MAP7: variants seen among roughly 807,000 people sequenced by gnomAD.
MAP7 encodes ensconsin.
A neutral mutation model predicts 94.8 loss-of-function variants in MAP7; 52 were observed. The observed-to-expected ratio is 0.55, with a 90% CI of 0.44 to 0.69. The LOEUF (loss-of-function observed/expected upper bound fraction) is 0.69. MAP7 is among the 30% of genes least tolerant of loss of function. The pLI is 0.00. For synonymous variants in MAP7, 350 were observed against 357.0 expected (o/e 0.98, Z 0.22); for missense variants, 940 against 964.6 (o/e 0.97, Z 0.34).
At chr6:136,346,517 G>C (rs1371485197) in intron 16 of MAP7, among the ~76,000 whole-genome samples, 1 of 152,172 alleles carries the variant, frequency 6.6e-6, no homozygotes, top group Non-Finnish European at 1.5e-5. Flanking sequence ...AGCTATGATG[G>C]CACCACTGCA....
At chr6:136,423,851 A>T (rs937597065) in intron 1 of MAP7, among the ~76,000 whole-genome samples, 13 of 149,960 alleles carry the variant, frequency 8.7e-5, no homozygotes, top group Non-Finnish European at 1.6e-4. Context: ...GCTGGAGTGC[A>T]ATGGCATGAT....
chr6:136,377,210 G>T (rs181000749), intron 7 of MAP7, among the ~76,000 whole-genome samples: 95 of 152,304 alleles, frequency 6.2e-4, no homozygotes, highest in Middle Eastern at 3.4e-3. Flanking sequence ...TAATTTCAAA[G>T]AATGTAACAA....
intron 3 of MAP7, among the ~76,000 whole-genome samples, chr6:136,394,949 T>TATATAC (rs1781953747): frequency 8.4e-6 from 1 of 119,202 alleles, no homozygotes; most frequent in Non-Finnish European, 1.8e-5. Context: ...TATATATATA[T>TATATAC]ATATATATAT....
intron 16 of MAP7, among the ~76,000 whole-genome samples, chr6:136,356,301 C>T (rs915343636): frequency 1.3e-5 from 2 of 152,070 alleles, no homozygotes; most frequent in African/African-American, 4.8e-5. Flanking sequence ...CAAGGTGGGA[C>T]TACAAGCACA....
rs142004515 is a variant in MAP7, at chr6:136,418,362, G to T, written c.166+3339C>A. Among the ~76,000 whole-genome samples the T allele has an allele frequency of 2.0e-4, 31 of 152,116 alleles. No homozygotes were observed. The East Asian group carries it at 4.8e-3, about 24-fold the overall frequency. On this transcript the variant is annotated intron_variant, in intron 2 of 17. Coordinates refer to ENST00000354570, the MANE Select transcript of MAP7 (RefSeq NM_003980.6). ...CCTGAGTAGCTGGGGTTATGGGCGC[G>T]CACTACCATGCCTGGCTAATTTTTG...
intron 3 of MAP7, among the ~76,000 whole-genome samples, chr6:136,410,432 A>G (rs1787076038): frequency 6.6e-6 from 1 of 152,206 alleles, no homozygotes; most frequent in Admixed American, 6.5e-5. Context: ...GTAGGGAGCA[A>G]TGAGCATATT....
intron 7 of MAP7, among the ~76,000 whole-genome samples, chr6:136,376,101 G>A (rs1582719484): frequency 6.6e-6 from 1 of 152,148 alleles, no homozygotes; most frequent in South Asian, 2.1e-4. Flanking sequence ...GGACTGAAAA[G>A]CGGTTTTTTT....
At chr6:136,371,763 CA>C (rs2128603903) in intron 8 of MAP7, among the ~76,000 whole-genome samples, 1 of 152,304 alleles carries the variant, frequency 6.6e-6, no homozygotes, top group East Asian at 1.9e-4. Context: ...TTATATCTTT[CA>C]ACTGACACCA....
chr6:136,473,632 C>A (rs1216291702), intron 1 of MAP7, among the ~76,000 whole-genome samples: 1 of 152,046 alleles, frequency 6.6e-6, no homozygotes, highest in Non-Finnish European at 1.5e-5. Context: ...AGCAGATTCC[C>A]AAAATTAGAC....
intron 12 of MAP7, 101 bp from the exon 13 acceptor site, chr6:136,360,899 G>A: frequency 6.5e-7 from 1 of 1,549,036 alleles, no homozygotes; most frequent in South Asian, 1.1e-5. Context: ...GATGGAGAAG[G>A]TGTGGAAAGC....
intron 7 of MAP7, among the ~76,000 whole-genome samples, chr6:136,377,133 T>C (rs78569175): frequency 3.9e-5 from 6 of 152,210 alleles, no homozygotes; most frequent in Non-Finnish European, 1.5e-5. Context: ...AATTCAGGTA[T>C]GTTTTGCATT....
chr6:136,431,916 G>A (rs1795058373), intron 1 of MAP7, among the ~76,000 whole-genome samples: 1 of 152,130 alleles, frequency 6.6e-6, no homozygotes, highest in Non-Finnish European at 1.5e-5. Context: ...TGTGGGAATG[G>A]TCCTTAAGGC....
chr6:136,361,475 T>G (rs1792746179), intron 11 of MAP7, among the ~76,000 whole-genome samples: 1 of 152,224 alleles, frequency 6.6e-6, no homozygotes, highest in Admixed American at 6.5e-5. Flanking sequence ...TCTGACTTGT[T>G]TAATTCAAAT....
intron 1 of MAP7, among the ~76,000 whole-genome samples, chr6:136,442,024 C>A (rs1194119801): frequency 6.6e-6 from 1 of 150,574 alleles, no homozygotes; most frequent in Non-Finnish European, 1.5e-5. Context: ...ACAACAACAA[C>A]AGTAACAAAC....
chr6:136,368,949 C>A (rs1243452369), intron 8 of MAP7, among the ~76,000 whole-genome samples: 1 of 152,096 alleles, frequency 6.6e-6, no homozygotes, highest in Non-Finnish European at 1.5e-5. Context: ...CCTGAAGAAC[C>A]AAAATAATCT....
At chr6:136,401,590 T>C (rs1338254237) in intron 3 of MAP7, among the ~76,000 whole-genome samples, 1 of 151,918 alleles carries the variant, frequency 6.6e-6, no homozygotes, top group Non-Finnish European at 1.5e-5. Context: ...ATGAGAACAC[T>C]TGGACACAGG....
chr6:136,383,620 A>G (rs766151356), intron 6 of MAP7, 51 bp downstream of exon 6: 2 of 1,003,746 alleles, frequency 2.0e-6, no homozygotes, highest in Non-Finnish European at 2.9e-6. Flanking sequence ...ATCCAGAAAA[A>G]AAAGCATTAA....
intron 1 of MAP7, chr6:136,525,842 T>G: frequency 6.5e-7 from 1 of 1,535,134 alleles, no homozygotes; most frequent in East Asian, 2.4e-5. Flanking sequence ...CTTTTGGTCT[T>G]CTGGAATTTC....
intron 1 of MAP7, among the ~76,000 whole-genome samples, chr6:136,478,992 AAAAG>A (rs1238019420): frequency 2.7e-5 from 4 of 147,638 alleles, no homozygotes; most frequent in South Asian, 2.1e-4. Context: ...AAAAAAAAAA[AAAAG>A]AAAGAAAGAA....
Sources: allele counts gnomAD v4.1 joint callset (sites outside exome capture counted in the v4.1 genomes callset), GRCh38; gene constraint gnomAD v4.1.1; transcripts MANE v1.5; gene names NCBI Gene and HGNC (gene_info 2026-07-23, HGNC 2026-07-21).